MBNL3: variants seen among roughly 807,000 people sequenced by gnomAD.
MBNL3 encodes muscleblind-like protein 3.
Under a neutral mutation model 24.5 loss-of-function variants are expected in MBNL3, and 6 were observed. The observed-to-expected ratio is 0.25, with a 90% confidence interval of 0.13 to 0.48. MBNL3 has a LOEUF of 0.48. Ranked by LOEUF, MBNL3 falls within the 20% of genes least tolerant of loss-of-function variation. The pLI, the probability that MBNL3 is intolerant of heterozygous loss-of-function variation, is 0.99. For synonymous variants in MBNL3, 100 were observed against 101.7 expected (o/e 0.98, Z 0.10); for missense variants, 230 against 293.5 (o/e 0.78, Z 1.58).
At chrX:132,381,140 T>C (rs1934858208) in intron 8 of MBNL3, among the ~76,000 whole-genome samples, 1 of 112,221 alleles carries the variant, frequency 8.9e-6, no homozygotes, top group Non-Finnish European at 1.9e-5. Flanking sequence ...TGTTAGCTCA[T>C]TGAGAAAATA....
chrX:132,417,176 A>C (rs920402836), intron 2 of MBNL3, among the ~76,000 whole-genome samples: 1 of 111,385 alleles, frequency 9.0e-6, no homozygotes, highest in Non-Finnish European at 1.9e-5. Context: ...AATTTAGTAA[A>C]TACTGCAACC....
chrX:132,421,408 C>T (rs1420638138), intron 2 of MBNL3, among the ~76,000 whole-genome samples: 1 of 110,868 alleles, frequency 9.0e-6, no homozygotes, highest in South Asian at 3.8e-4. Flanking sequence ...AATTTATATA[C>T]GTATAATGTT....
intron 8 of MBNL3, chrX:132,381,352 AACTT>A (rs1297554915): frequency 1.8e-6 from 2 of 1,088,245 alleles, no homozygotes; most frequent in Non-Finnish European, 2.5e-6. Context: ...TACTGAAAGA[AACTT>A]ACTGTTCTAC....
chrX:132,445,758 G>T (rs1208043422), intron 1 of MBNL3, among the ~76,000 whole-genome samples: 2 of 111,204 alleles, frequency 1.8e-5, no homozygotes, highest in Admixed American at 9.5e-5. Flanking sequence ...AATAGTACAA[G>T]AACTTGCTAA....
rs890464191 is a variant in MBNL3 at position 132,382,225 on chromosome X, T to G, written c.1006A>C (p.Thr336Pro). The change falls in exon 8 of 9, where the codon ACA (threonine) becomes CCA (proline). Residue 336 changes from threonine to proline, a missense_variant. Thr to Pro is a conservative substitution (Grantham distance 38). Transcript: ENST00000370853. ...GCGAACGGAACGCTGGTGGCAGGTG[T>G]TGTTGCTGCAGACACAGTGGTAGGT... The part of the protein sequence containing the change: ...ATPTTVSAAT[T>P]PATSVPFAAP... The G allele has an allele frequency of 1.4e-5, 17 of 1,209,378 alleles. No homozygotes were observed. The African/African-American group carries it at 1.6e-4, about 11-fold the overall frequency.
rs1934443033 is a variant in MBNL3, at chrX:132,379,319, T to C, written c.*347A>G. 5 of 184,838 alleles carry C rather than the reference T, an allele frequency of 2.7e-5. No individual in the cohort carries two copies. Among genetic ancestry groups the C allele is most frequent in the Non-Finnish European group, 4.9e-5 (5 of 101,550 alleles). 15.2% of individuals were successfully genotyped at this position (184,838 alleles called of 1,213,427 possible). ...GAACAATTTATCCACCAAGAATGTATATAGTAAGCCAAAAGCTCACTGTGG... is the reference window on the plus strand; with the variant it reads ...GAACAATTTATCCACCAAGAATGTACATAGTAAGCCAAAAGCTCACTGTGG... On this transcript the variant is annotated 3_prime_UTR_variant, in exon 9 of 9. Transcript: ENST00000370853.
chrX:132,405,631 T>G (rs1312756540), intron 3 of MBNL3, among the ~76,000 whole-genome samples: 6 of 111,034 alleles, frequency 5.4e-5, no homozygotes, highest in Non-Finnish European at 1.1e-4. Flanking sequence ...ATTCCAGCAC[T>G]TTGGGAGGCC....
intron 3 of MBNL3, among the ~76,000 whole-genome samples, chrX:132,393,465 C>T (rs1248016753): frequency 9.1e-6 from 1 of 109,627 alleles, no homozygotes; most frequent in Non-Finnish European, 1.9e-5. Flanking sequence ...TGTGTATTTC[C>T]TTTATTATCT....
intron 2 of MBNL3, among the ~76,000 whole-genome samples, chrX:132,412,689 C>A (rs972915767): frequency 1.8e-5 from 2 of 112,236 alleles, no homozygotes; most frequent in Non-Finnish European, 3.8e-5. Flanking sequence ...ACTAATAACC[C>A]AAATCTACTT....
chrX:132,391,219 GAT>G, intron 4 of MBNL3, 136 bp from the exon 5 acceptor site: 1 of 462,922 alleles, frequency 2.2e-6, no homozygotes, highest in Non-Finnish European at 3.6e-6. Flanking sequence ...AATCTAAAAA[GAT>G]AAAGAATAAT....
At chrX:132,456,510 T>C (rs1394087643) in intron 1 of MBNL3, among the ~76,000 whole-genome samples, 1 of 112,235 alleles carries the variant, frequency 8.9e-6, no homozygotes, top group Non-Finnish European at 1.9e-5. Flanking sequence ...TCTTATTCTG[T>C]GCCAGACACT....
Position 132,371,227 on chromosome X carries a change from C to T in MBNL3, c.*8439G>A, listed in dbSNP as rs895327607. 6.3e-5 allele frequency: 7 copies of T among 110,705 alleles called. No individual in the cohort carries two copies. Among genetic ancestry groups the T allele is most frequent in the Non-Finnish European group, 1.3e-4 (7 of 52,888 alleles). The allele number at this position is 110,705 out of a possible 1,213,427, so 9.1% of individuals were successfully genotyped here. On this transcript the variant is annotated 3_prime_UTR_variant, in exon 9 of 9. Transcript: ENST00000370853. ...TGACACTTGACAAGGACCCAACCTC[C>T]TCCCCGACCCTCTTCACTGTTAAGA...
In MBNL3 at chrX:132,369,835, C is replaced by T; in HGVS notation, c.*9831G>A. 8.9e-6 allele frequency: 1 copy of T among 112,334 alleles called. No individual in the cohort carries two copies. The highest frequency in any genetic ancestry group is 2.8e-4 in the East Asian group (1 of 3,603). 9.3% of individuals were successfully genotyped at this position (112,334 alleles called of 1,213,427 possible). On this transcript the variant is annotated 3_prime_UTR_variant, in exon 9 of 9. Transcript: ENST00000370853. The stretch of plus-strand genomic sequence containing the variant: ...GTGTGTCTATGTCTGTTGCACTTTG[C>T]ACCGGATGCCCTGCCTGCCTTTTCA...
chrX:132,439,562 A>G lies in MBNL3; in HGVS notation c.50T>C (p.Leu17Ser). 8.3e-7 allele frequency: 1 copy of G among 1,206,894 alleles called. No individual in the cohort carries two copies. The highest frequency in any genetic ancestry group is 1.1e-6 in the Non-Finnish European group (1 of 893,952). The change falls in exon 2 of 9, where the codon TTA becomes TCA. Residue 17 changes from leucine to serine, a missense_variant. Physicochemically the swap from Leu to Ser is moderately radical, Grantham distance 145. Transcript: ENST00000370853. ...ALIRDTKWLTLEVCREFQRGT... is the reference protein window; with the variant it reads ...ALIRDTKWLTSEVCREFQRGT... Reference sequence around the variant, plus strand: ...TCTCTGAAATTCTCTACAGACTTCTAAAGTCAGCCACTTGGTATCACGAAT... The same window carrying G: ...TCTCTGAAATTCTCTACAGACTTCTGAAGTCAGCCACTTGGTATCACGAAT...
chrX:132,377,263 C>T lies in MBNL3; in HGVS notation c.*2403G>A, dbSNP rs1743589122. On this transcript the variant is annotated 3_prime_UTR_variant, in exon 9 of 9. Coordinates refer to ENST00000370853, the MANE Select transcript of MBNL3 (RefSeq NM_001386889.1). ...GGCACGGATCATACAAAACTCAGTT[C>T]CATACATGATGAATTTCAAAAAGGC... The T allele has an allele frequency of 9.0e-6, 1 of 111,474 alleles. No individual in the cohort carries two copies. The highest frequency in any genetic ancestry group is 3.7e-4 in the South Asian group (1 of 2,685). 9.2% of individuals were successfully genotyped at this position (111,474 alleles called of 1,213,427 possible).
At position 132,396,534 on chromosome X, in the gene MBNL3, A is replaced by ATATATATTCCTATATATTCC. The variant is rs1491306535; in HGVS notation, c.343-4201_343-4200insGGAATATATAGGAATATATA. Among the ~76,000 whole-genome samples the ATATATATTCCTATATATTCC allele has an allele frequency of 8.5e-4, 37 of 43,692 alleles. 4 individuals carry two copies. The highest frequency in any genetic ancestry group is 1.6e-3 in the African/African-American group (12 of 7,422). 37.9% of individuals were successfully genotyped at this position (43,692 alleles called of 115,157 possible). A position where few individuals can be genotyped will look rare whatever the true frequency, so the allele number is the denominator to read the frequency against. ...TTCATATATATTCATATATATATTC[A>ATATATATTCCTATATATTCC]TATATATATTCCTATATATTCCTAT... On this transcript the variant is annotated intron_variant, in intron 3 of 8. Coordinates refer to ENST00000370853, the MANE Select transcript of MBNL3 (RefSeq NM_001386889.1).
intron 3 of MBNL3, among the ~76,000 whole-genome samples, chrX:132,400,274 C>T (rs1940652475): frequency 9.0e-6 from 1 of 111,626 alleles, no homozygotes. Flanking sequence ...CTCTGTTTGG[C>T]TGCAAAAGTG....
chrX:132,449,511 T>G lies in MBNL3; in HGVS notation c.-703-9197A>C, dbSNP rs1274709675. Among the ~76,000 whole-genome samples, 4 of 91,170 alleles carry G rather than the reference T, an allele frequency of 4.4e-5. No homozygotes were observed. The East Asian group carries it at 1.4e-3, about 33-fold the overall frequency. The allele number at this position is 91,170 out of a possible 115,157, so 79.2% of individuals were successfully genotyped here. ...TTGCTTTCCATTTGCTTGGTAAATA[T>G]TCCTCCATTCCTTTATTTTGATCCT... On this transcript the variant is annotated intron_variant, in intron 1 of 8. Coordinates refer to ENST00000370853, the MANE Select transcript of MBNL3 (RefSeq NM_001386889.1).
At chrX:132,449,977 G>GCC (rs59387058) in intron 1 of MBNL3, among the ~76,000 whole-genome samples, 2 of 25,468 alleles carry the variant, frequency 7.9e-5, no homozygotes, top group African/African-American at 1.4e-4. Flanking sequence ...GCTGAATATT[G>GCC]CCCCCCCCCC....
Sources: allele counts gnomAD v4.1 joint callset (sites outside exome capture counted in the v4.1 genomes callset), GRCh38; gene constraint gnomAD v4.1.1; transcripts MANE v1.5; gene names NCBI Gene and HGNC (gene_info 2026-07-23, HGNC 2026-07-21).